The following FBXO10 variants were observed in gnomAD, a reference collection of about 807,000 sequenced individuals.
FBXO10 encodes the protein F-box only protein 10.
A neutral mutation model predicts 80.7 loss-of-function variants in FBXO10; 39 were observed. That is an observed-to-expected ratio of 0.48 (90% confidence interval 0.37 to 0.63). The LOEUF (loss-of-function observed/expected upper bound fraction) is 0.63. Among genes scored for constraint, FBXO10 ranks in the 30% least tolerant of loss-of-function variants. The pLI, the probability that FBXO10 is intolerant of heterozygous loss-of-function variation, is 0.00. For missense variants in FBXO10, 1,025 were observed against 1,269.0 expected, an observed-to-expected ratio of 0.81 and a Z score of 2.92; for synonymous variants, 449 against 489.6, an observed-to-expected ratio of 0.92 and a Z score of 1.09.
intron 1 of FBXO10, among the ~76,000 whole-genome samples, chr9:37,549,322 G>A (rs1382128447): frequency 6.6e-6 from 1 of 152,098 alleles, no homozygotes; most frequent in East Asian, 1.9e-4. Context: ...TTTTAAACAT[G>A]TGAAACAAAA....
intron 5 of FBXO10, among the ~76,000 whole-genome samples, 168 bp downstream of exon 5, chr9:37,528,956 T>TG (rs916716987): frequency 1.3e-5 from 2 of 152,186 alleles, no homozygotes; most frequent in African/African-American, 4.8e-5. Context: ...CGGAGTTCAC[T>TG]GGAAGGGCAC....
At chr9:37,518,913 C>CTTTT (rs397953415) in intron 8 of FBXO10, among the ~76,000 whole-genome samples, 1 of 141,310 alleles carries the variant, frequency 7.1e-6, no homozygotes. Context: ...GGGAAATTTT[C>CTTTT]TTTTTTTTTT....
intron 1 of FBXO10, among the ~76,000 whole-genome samples, chr9:37,563,198 T>C (rs1822524299): frequency 6.6e-6 from 1 of 152,222 alleles, no homozygotes; most frequent in African/African-American, 2.4e-5. Flanking sequence ...CCTTCTGCCA[T>C]GATTGTAAGT....
At chr9:37,535,262 G>GT (rs1821729261) in intron 3 of FBXO10, among the ~76,000 whole-genome samples, 1 of 152,162 alleles carries the variant, frequency 6.6e-6, no homozygotes, top group Non-Finnish European at 1.5e-5. Context: ...ACAGAGCTCA[G>GT]TCCCCACTGT....
At chr9:37,523,215 CTACT>C in intron 6 of FBXO10, among the ~76,000 whole-genome samples, 2 of 646 alleles carry the variant, frequency 3.1e-3, no homozygotes, top group Non-Finnish European at 0.042. Context: ...TCCCCGGCAC[CTACT>C]ATACACCCAA....
At chr9:37,519,640 A>G (rs1209025826) in intron 8 of FBXO10, among the ~76,000 whole-genome samples, 2 of 152,122 alleles carry the variant, frequency 1.3e-5, no homozygotes, top group African/African-American at 4.8e-5. Context: ...AGTATTTGTG[A>G]ACGTAGGTGG....
intron 1 of FBXO10, among the ~76,000 whole-genome samples, chr9:37,551,383 C>T (rs1822194755): frequency 6.6e-6 from 1 of 152,238 alleles, no homozygotes; most frequent in African/African-American, 2.4e-5. Flanking sequence ...TCCAAGACTC[C>T]ACTAGGTAAT....
chr9:37,545,639 C>T (rs1822037761), intron 1 of FBXO10, among the ~76,000 whole-genome samples: 1 of 152,194 alleles, frequency 6.6e-6, no homozygotes, highest in Admixed American at 6.5e-5. Context: ...CACGTGAATA[C>T]CCAATTCTCT....
Position 37,537,421 on chromosome 9 carries a change from G to A in FBXO10, c.1108C>T (p.Leu370=). 1 of 1,599,844 alleles carries A rather than the reference G, an allele frequency of 6.3e-7. No individual in the cohort carries two copies. Among genetic ancestry groups the A allele is most frequent in the Non-Finnish European group, 8.5e-7 (1 of 1,172,910 alleles). The change falls in exon 3 of 11, where the codon CTG becomes TTG. Residue 370 remains leucine (L), a synonymous_variant. Coordinates refer to ENST00000432825, the MANE Select transcript of FBXO10 (RefSeq NM_012166.3). The stretch of plus-strand genomic sequence containing the variant: ...ACTTGGTAGGATAGTCTGTACATCA[G>A]CTGGTCCTCATCTTCATCCTCACCG... ...PSGEDEDEDQ[L]MYRLSYQVQG...
In FBXO10 at chr9:37,537,895, G is replaced by A; in HGVS notation, c.634C>T (p.His212Tyr). ...GTACCCGGGCCATGGACCTGGATGTGCCCGTTCTCAAAGTTGCAGTTGTCA... is the reference window on the plus strand; with the variant it reads ...GTACCCGGGCCATGGACCTGGATGTACCCGTTCTCAAAGTTGCAGTTGTCA... ...QFDNCNFENG[H>Y]IQVHGPGTCQ... The change falls in exon 3 of 11, where the codon CAC becomes TAC. Residue 212 changes from histidine (H) to tyrosine (Y), a missense_variant. Coordinates refer to ENST00000432825, the MANE Select transcript of FBXO10 (RefSeq NM_012166.3). The A allele has an allele frequency of 6.2e-7, 1 of 1,613,960 alleles. No homozygotes were observed. The highest frequency in any genetic ancestry group is 8.5e-7 in the Non-Finnish European group (1 of 1,179,882).
Position 37,571,586 on chromosome 9 carries a change from G to C in FBXO10, c.-7+4625C>G, listed in dbSNP as rs367984848. 8.6e-5 allele frequency among the ~76,000 whole-genome samples: 13 copies of C among 151,518 alleles called. No individual in the cohort carries two copies. In the South Asian group the frequency reaches 2.7e-3, roughly 32 times the overall value. On this transcript the variant is annotated intron_variant, in intron 1 of 10. Coordinates refer to ENST00000432825, the MANE Select transcript of FBXO10 (RefSeq NM_012166.3). ...GCTGTGCCTCTCCTCCCCCAATCCA[G>C]CTTTCCTCATACTCCTCTTCCTGAG...
At chr9:37,553,596 T>C (rs973693633) in intron 1 of FBXO10, among the ~76,000 whole-genome samples, 1 of 151,856 alleles carries the variant, frequency 6.6e-6, no homozygotes, top group African/African-American at 2.4e-5. Context: ...TAGATTCACA[T>C]GCAGTTATAA....
At chr9:37,558,611 G>A (rs1822394127) in intron 1 of FBXO10, among the ~76,000 whole-genome samples, 2 of 152,092 alleles carry the variant, frequency 1.3e-5, no homozygotes, top group Admixed American at 1.3e-4. Context: ...GCAGCACAAA[G>A]TACAGGCTTA....
chr9:37,529,279 C>T lies in FBXO10; in HGVS notation c.1570-19G>A. 1 of 1,593,860 alleles carries T rather than the reference C, an allele frequency of 6.3e-7. No individual in the cohort carries two copies. Among genetic ancestry groups the T allele is most frequent in the Non-Finnish European group, 8.5e-7 (1 of 1,170,346 alleles). ...GGTTACACTGCAAGTGAAAATGAGA[C>T]ACCACAGAAGCCAGATCAGACACGT... On this transcript the variant is annotated intron_variant, in intron 4 of 10. Coordinates refer to ENST00000432825, the MANE Select transcript of FBXO10 (RefSeq NM_012166.3).
At chr9:37,538,699 C>T (rs1264060807) in intron 2 of FBXO10, among the ~76,000 whole-genome samples, 2 of 143,264 alleles carry the variant, frequency 1.4e-5, no homozygotes, top group African/African-American at 2.8e-5. Flanking sequence ...AAGAGCAAGA[C>T]TCGGTGTCCA....
At chr9:37,519,711 A>G (rs4878158) in intron 8 of FBXO10, among the ~76,000 whole-genome samples, 138,972 of 152,218 alleles carry the variant, frequency 0.91, 63,733 homozygotes, top group East Asian at 0.98. Flanking sequence ...ACCTGGGAGG[A>G]GACAGAACTC....
intron 8 of FBXO10, among the ~76,000 whole-genome samples, chr9:37,521,301 C>G (rs1821339267): frequency 6.7e-6 from 1 of 148,266 alleles, no homozygotes; most frequent in Admixed American, 6.7e-5. Flanking sequence ...TCCCTGGCCC[C>G]CACGCTGTCT....
rs544234119 is a variant in FBXO10, at chr9:37,512,910, T to C, written c.2697-189A>G. Among the ~76,000 whole-genome samples the C allele has an allele frequency of 3.3e-5, 5 of 152,362 alleles. No individual in the cohort carries two copies. The South Asian group carries it at 1.0e-3, about 32-fold the overall frequency. ...TTGAGAAACTAAGGAGCAAAAGCCC[T>C]GCATTCCACGTCCAGCTCTGCCTTC... On this transcript the variant is annotated intron_variant, in intron 10 of 10. Transcript: ENST00000432825.
At chr9:37,557,535 G>A (rs1822368054) in intron 1 of FBXO10, among the ~76,000 whole-genome samples, 1 of 152,196 alleles carries the variant, frequency 6.6e-6, no homozygotes, top group South Asian at 2.1e-4. Context: ...CCTCACTTGA[G>A]AAGTAATTTT....
Sources: gnomAD v4.1 joint callset for allele counts (sites outside exome capture counted in the v4.1 genomes callset) on GRCh38, gnomAD v4.1.1 for gene constraint, MANE v1.5 for transcripts, NCBI Gene and HGNC (gene_info 2026-07-23, HGNC 2026-07-21) for gene names.